The following PARP14 variants were observed in gnomAD, a reference collection of about 807,000 sequenced individuals.
PARP14 encodes the protein protein mono-ADP-ribosyltransferase PARP14.
A neutral mutation model predicts 154.2 loss-of-function variants in PARP14; 59 were observed. The observed-to-expected ratio is 0.38, with a 90% confidence interval of 0.31 to 0.48. The LOEUF (loss-of-function observed/expected upper bound fraction) is 0.48. Among genes scored for constraint, PARP14 ranks in the 20% least tolerant of loss-of-function variants. PARP14 has a pLI of 0.98. For synonymous variants in PARP14, 720 were observed against 780.5 expected (o/e 0.92, Z 1.29); for missense variants, 1,734 against 2,131.6 (o/e 0.81, Z 3.67).
At chr3:122,727,318 G>A (rs1007960710) in intron 15 of PARP14, among the ~76,000 whole-genome samples, 1 of 152,216 alleles carries the variant, frequency 6.6e-6, no homozygotes, top group Non-Finnish European at 1.5e-5. Flanking sequence ...CAAGATTCAT[G>A]CACCGGTCTT....
At chr3:122,723,777 T>G (rs997131810) in intron 15 of PARP14, among the ~76,000 whole-genome samples, 2 of 152,226 alleles carry the variant, frequency 1.3e-5, no homozygotes, top group African/African-American at 2.4e-5. Context: ...AGCATATGAG[T>G]ATCCTGTTCC....
At chr3:122,688,316 T>TTTC (rs2107637185) in intron 3 of PARP14, among the ~76,000 whole-genome samples, 1 of 152,352 alleles carries the variant, frequency 6.6e-6, no homozygotes, top group South Asian at 2.1e-4. Context: ...CACATCTGTG[T>TTTC]TTCTTATGAC....
chr3:122,691,149 A>T (rs1484251167), intron 3 of PARP14, among the ~76,000 whole-genome samples: 1 of 152,240 alleles, frequency 6.6e-6, no homozygotes, highest in Non-Finnish European at 1.5e-5. Context: ...AGAGCATTTT[A>T]TGTGGCCACT....
intron 14 of PARP14, among the ~76,000 whole-genome samples, 190 bp from the exon 15 acceptor site, chr3:122,720,064 GT>G (rs1164980017): frequency 2.6e-5 from 4 of 151,810 alleles, no homozygotes; most frequent in African/African-American, 9.7e-5. Flanking sequence ...CCTTTTTTTT[GT>G]TTAACAAGCA....
intron 3 of PARP14, among the ~76,000 whole-genome samples, chr3:122,687,399 T>C (rs1212691716): frequency 6.6e-6 from 1 of 152,192 alleles, no homozygotes; most frequent in Admixed American, 6.5e-5. Context: ...GATGAGCTGA[T>C]CTTTACTTTC....
At position 122,685,286 on chromosome 3, in the gene PARP14, G is replaced by C. The variant is rs749044110; in HGVS notation, c.289G>C (p.Asp97His). 6.2e-7 allele frequency: 1 copy of C among 1,613,808 alleles called. No individual in the cohort carries two copies. The highest frequency in any genetic ancestry group is 1.1e-5 in the South Asian group (1 of 91,066). ...VQLPATPDEI[D>H]HVFEEELLTK... ...GTTACCTGCAACCCCAGATGAAATC[G>C]ATCATGTCTTTGAAGAGGAACTTCT... The change falls in exon 2 of 17, where the codon GAT (aspartate) becomes CAT (histidine). Residue 97 changes from aspartate to histidine, a missense_variant. Physicochemically the swap from Asp to His is moderately conservative, Grantham distance 81. Transcript: ENST00000474629.
In PARP14 at chr3:122,707,380, C is replaced by T. The variant is rs867658804; in HGVS notation, c.3541-810C>T. 1.1e-4 allele frequency among the ~76,000 whole-genome samples: 16 copies of T among 139,682 alleles called. No individual in the cohort carries two copies. In the South Asian group the frequency reaches 2.9e-3, roughly 25 times the overall value. 91.6% of individuals were successfully genotyped at this position (139,682 alleles called of 152,430 possible). A position where few individuals can be genotyped will look rare whatever the true frequency, so the allele number is the denominator to read the frequency against. On this transcript the variant is annotated intron_variant, in intron 8 of 16. Transcript: ENST00000474629. ...TGGGTGACAGAATGAGACTCCATCT[C>T]AAATAAATAAATAAATAAATAAATA...
chr3:122,713,397 T>C, intron 9 of PARP14, 27 bp from the exon 10 acceptor site: 2 of 1,597,458 alleles, frequency 1.3e-6, no homozygotes, highest in Admixed American at 1.7e-5. Context: ...CTGACTCGGT[T>C]ATTGACTTTA....
intron 9 of PARP14, among the ~76,000 whole-genome samples, chr3:122,709,022 G>A (rs1939242002): frequency 6.6e-6 from 1 of 151,984 alleles, no homozygotes; most frequent in South Asian, 2.1e-4. Context: ...ATTCTTTAAA[G>A]TTTGAACTTT....
intron 1 of PARP14, among the ~76,000 whole-genome samples, chr3:122,683,049 A>G (rs893246406): frequency 6.6e-6 from 1 of 152,174 alleles, no homozygotes; most frequent in African/African-American, 2.4e-5. Flanking sequence ...GCAAGACTCC[A>G]TCTAAAACAA....
At chr3:122,717,105 C>A (rs974762956) in intron 12 of PARP14, among the ~76,000 whole-genome samples, 3 of 152,190 alleles carry the variant, frequency 2.0e-5, no homozygotes, top group African/African-American at 7.2e-5. Context: ...TTTGAACAAC[C>A]CCCCTTGGTT....
chr3:122,711,919 T>C (rs1386967093), intron 9 of PARP14, among the ~76,000 whole-genome samples: 1 of 152,204 alleles, frequency 6.6e-6, no homozygotes, highest in African/African-American at 2.4e-5. Context: ...TCTGAGGCAT[T>C]GATTGTAATG....
chr3:122,719,289 C>T (rs966011374), intron 14 of PARP14, among the ~76,000 whole-genome samples: 2 of 152,172 alleles, frequency 1.3e-5, no homozygotes, highest in Non-Finnish European at 1.5e-5. Flanking sequence ...AAACCATAGG[C>T]TTAAAGGAAA....
chr3:122,704,092 C>T (rs1939072289), intron 7 of PARP14, 114 bp downstream of exon 7: 1 of 723,730 alleles, frequency 1.4e-6, no homozygotes, highest in Non-Finnish European at 2.4e-6. Context: ...CCATAATAAT[C>T]ACTCTTTTGG....
chr3:122,725,400 C>T (rs1399574441), intron 15 of PARP14, among the ~76,000 whole-genome samples: 1 of 151,758 alleles, frequency 6.6e-6, no homozygotes, highest in Non-Finnish European at 1.5e-5. Flanking sequence ...AGGTGCTCCC[C>T]ACCTCCCAGA....
intron 4 of PARP14, among the ~76,000 whole-genome samples, chr3:122,695,159 C>T (rs866529234): frequency 1.6e-4 from 25 of 152,194 alleles, no homozygotes; most frequent in Middle Eastern, 3.4e-3. Context: ...TAGGGAAAAC[C>T]CTCAGGAGGG....
At position 122,708,172 on chromosome 3, in the gene PARP14, G is replaced by A. The variant is rs779453877; in HGVS notation, c.3541-18G>A. 1.3e-5 allele frequency: 19 copies of A among 1,410,802 alleles called. 1 individual carries two copies. The Middle Eastern group carries it at 2.3e-3, about 169-fold the overall frequency. 87.4% of individuals were successfully genotyped at this position (1,410,802 alleles called of 1,614,324 possible). On this transcript the variant is annotated intron_variant, in intron 8 of 16. Coordinates refer to ENST00000474629, the MANE Select transcript of PARP14 (RefSeq NM_017554.3). ...TTTACTGAGGAGTGTAATGATCAAC[G>A]CTGTGTTTATATTTCAGGCATTTTC... is the stretch of plus-strand genomic sequence containing the variant.
intron 4 of PARP14, among the ~76,000 whole-genome samples, chr3:122,694,918 T>A (rs1161233627): frequency 6.6e-6 from 1 of 152,054 alleles, no homozygotes; most frequent in Admixed American, 6.6e-5. Context: ...GGAAATTGTA[T>A]ACACAAAGAC....
chr3:122,726,789 G>C (rs1274534623), intron 15 of PARP14, among the ~76,000 whole-genome samples: 1 of 151,914 alleles, frequency 6.6e-6, no homozygotes, highest in Non-Finnish European at 1.5e-5. Flanking sequence ...AAAAAATGTT[G>C]AAGGCTTTAA....
Sources: allele counts gnomAD v4.1 joint callset (sites outside exome capture counted in the v4.1 genomes callset), GRCh38; gene constraint gnomAD v4.1.1; transcripts MANE v1.5; gene names NCBI Gene and HGNC (gene_info 2026-07-23, HGNC 2026-07-21).